TRPM3: variants seen among roughly 807,000 people sequenced by gnomAD.
The protein encoded by TRPM3 is long transient receptor potential channel 3.
In TRPM3, 77 loss-of-function variants were observed where a neutral mutation model predicts 181.2. The observed-to-expected ratio is 0.42, with a 90% CI of 0.35 to 0.51. TRPM3 has a LOEUF of 0.51. TRPM3 is among the 20% of genes least tolerant of loss of function. TRPM3 has a pLI of 0.01. For synonymous variants in TRPM3, 745 were observed against 796.4 expected (o/e 0.94, Z 1.09); for missense variants, 1,759 against 2,196.7 (o/e 0.80, Z 3.98).
chr9:71,205,175 G>A (rs1587945242), intron 1 of TRPM3, among the ~76,000 whole-genome samples: 1 of 151,868 alleles, frequency 6.6e-6, no homozygotes, highest in African/African-American at 2.4e-5. Context: ...TAACTAACCT[G>A]CATGTTGTGC....
chr9:71,102,193 T>C (rs1279757051), intron 1 of TRPM3, among the ~76,000 whole-genome samples: 1 of 152,172 alleles, frequency 6.6e-6, no homozygotes, highest in Non-Finnish European at 1.5e-5. Flanking sequence ...CTTTCCTCCA[T>C]GCTTCTTACT....
intron 1 of TRPM3, among the ~76,000 whole-genome samples, chr9:71,032,740 AT>A (rs1024409543): frequency 8.5e-5 from 13 of 152,190 alleles, no homozygotes; most frequent in South Asian, 2.1e-4. Flanking sequence ...TTGGTATGTT[AT>A]TTTGTGTAGT....
At chr9:71,091,810 G>A (rs570979660) in intron 1 of TRPM3, among the ~76,000 whole-genome samples, 3 of 151,914 alleles carry the variant, frequency 2.0e-5, no homozygotes, top group Non-Finnish European at 2.9e-5. Flanking sequence ...ATCGGTTTTC[G>A]AGCATCATCT....
chr9:70,980,996 C>A (rs1451070522), intron 1 of TRPM3, among the ~76,000 whole-genome samples: 1 of 152,194 alleles, frequency 6.6e-6, no homozygotes, highest in Non-Finnish European at 1.5e-5. Context: ...TATGCATACA[C>A]ACTCACACAA....
rs1012053895 is a variant in TRPM3, at chr9:70,534,019, C to T, written c.*1934G>A. The T allele has an allele frequency of 1.3e-5, 2 of 152,116 alleles. No homozygotes were observed. Among genetic ancestry groups the T allele is most frequent in the Non-Finnish European group, 2.9e-5 (2 of 68,026 alleles). The allele number at this position is 152,116 out of a possible 1,614,324, so 9.4% of individuals were successfully genotyped here. ...ACCAGGTAGTATCTCAGGCCAGGAA[C>T]AATAGATTGTTTTCCTTAAAGGCTT... On this transcript the variant is annotated 3_prime_UTR_variant, in exon 26 of 26. Transcript: ENST00000677713.
intron 9 of TRPM3, among the ~76,000 whole-genome samples, chr9:70,641,861 AG>A (rs1343105536): frequency 1.3e-5 from 2 of 152,224 alleles, no homozygotes. Context: ...GGCTCCAGGC[AG>A]GGGGCCCAAG....
At chr9:71,158,913 G>A (rs1472554129) in intron 1 of TRPM3, among the ~76,000 whole-genome samples, 1 of 152,004 alleles carries the variant, frequency 6.6e-6, no homozygotes, top group Non-Finnish European at 1.5e-5. Flanking sequence ...CTGAAACACT[G>A]ACCTTCTCCT....
At chr9:71,242,077 C>T (rs552827836) in intron 1 of TRPM3, among the ~76,000 whole-genome samples, 2 of 152,270 alleles carry the variant, frequency 1.3e-5, no homozygotes, top group Admixed American at 1.3e-4. Context: ...ATCACTGCCC[C>T]TCAATAGTTT....
chr9:71,228,448 C>T (rs1490934972), intron 1 of TRPM3, among the ~76,000 whole-genome samples: 3 of 152,046 alleles, frequency 2.0e-5, no homozygotes, highest in African/African-American at 4.8e-5. Context: ...CACTGTTATT[C>T]AACATAGTAC....
chr9:70,778,598 A>C (rs2081910929), intron 7 of TRPM3, among the ~76,000 whole-genome samples: 1 of 152,218 alleles, frequency 6.6e-6, no homozygotes, highest in Non-Finnish European at 1.5e-5. Context: ...TTCTCATAGA[A>C]AATTTTAGAA....
In TRPM3 at chr9:70,615,943, T is replaced by C; in HGVS notation, c.2491A>G (p.Thr831Ala). Residue 831 changes from threonine to alanine, a missense_variant, in exon 18 of 26, where the codon ACA becomes GCA. Physicochemically the swap from Thr to Ala is moderately conservative, Grantham distance 58 (BLOSUM62 0). Coordinates refer to ENST00000677713, the MANE Select transcript of TRPM3 (RefSeq NM_001366145.2). ...ATGTCCTCTTCCTCTTTTTCCTTTG[T>C]GGGCTTCTCTGGTTCTTCTGCCTCC... The part of the protein sequence containing the change: ...EKEAEEPEKP[T>A]KEKEEEDMEL... 1.2e-6 allele frequency: 2 copies of C among 1,612,434 alleles called. No homozygotes were observed. Among genetic ancestry groups the C allele is most frequent in the South Asian group, 2.2e-5 (2 of 90,710 alleles).
At chr9:71,126,957 T>A (rs2074070260) in intron 1 of TRPM3, among the ~76,000 whole-genome samples, 1 of 152,048 alleles carries the variant, frequency 6.6e-6, no homozygotes, top group Non-Finnish European at 1.5e-5. Context: ...AGCATAGTTT[T>A]CCAAATGTAT....
At chr9:70,573,261 T>C (rs568407998) in intron 22 of TRPM3, among the ~76,000 whole-genome samples, 257 of 152,276 alleles carry the variant, frequency 1.7e-3, no homozygotes, top group Middle Eastern at 3.4e-3. Context: ...GTGAGTTGAT[T>C]TTCCAAAATG....
intron 1 of TRPM3, among the ~76,000 whole-genome samples, chr9:71,268,680 G>A (rs1377114502): frequency 6.6e-6 from 1 of 151,962 alleles, no homozygotes; most frequent in Non-Finnish European, 1.5e-5. Context: ...AAATTAGCCA[G>A]GCATGATGGC....
chr9:71,059,011 ATTTTTTTTTTTTTTTT>A lies in TRPM3; in HGVS notation c.177+62151_177+62166del, dbSNP rs1162577364. 1.7e-4 allele frequency among the ~76,000 whole-genome samples: 9 copies of A among 52,642 alleles called. No individual in the cohort carries two copies. In the East Asian group the frequency reaches 4.2e-3, roughly 25 times the overall value. The allele number at this position is 52,642 out of a possible 152,430, so 34.5% of individuals were successfully genotyped here. A position where few individuals can be genotyped will look rare whatever the true frequency, so the allele number is the denominator to read the frequency against. Reference sequence around the variant, plus strand: ...ATTTCTCTGAAGTTTTTGTTTGTTCATTTTTTTTTTTTTTTTTTTTTTTTTTTTTTACCAGTCACTA... The same window carrying A: ...ATTTCTCTGAAGTTTTTGTTTGTTCATTTTTTTTTTTTTTACCAGTCACTA... On this transcript the variant is annotated intron_variant, in intron 1 of 25. Coordinates refer to ENST00000677713, the MANE Select transcript of TRPM3 (RefSeq NM_001366145.2).
intron 1 of TRPM3, among the ~76,000 whole-genome samples, chr9:71,007,347 T>G (rs1353112763): frequency 6.6e-6 from 1 of 152,092 alleles, no homozygotes; most frequent in Non-Finnish European, 1.5e-5. Context: ...AAACTACATT[T>G]TAGACCAAAT....
At chr9:71,210,284 G>T (rs2079409274) in intron 1 of TRPM3, among the ~76,000 whole-genome samples, 1 of 152,170 alleles carries the variant, frequency 6.6e-6, no homozygotes, top group South Asian at 2.1e-4. Flanking sequence ...GGATGGGGCT[G>T]CCTAGTTGCA....
chr9:70,939,028 A>G (rs902008670), intron 1 of TRPM3, among the ~76,000 whole-genome samples: 5 of 152,178 alleles, frequency 3.3e-5, no homozygotes, highest in East Asian at 3.8e-4. Context: ...TTCACTTTGC[A>G]TAATACAATA....
At chr9:70,922,602 T>A (rs951846793) in intron 1 of TRPM3, among the ~76,000 whole-genome samples, 1 of 152,210 alleles carries the variant, frequency 6.6e-6, no homozygotes, top group Non-Finnish European at 1.5e-5. Context: ...AGAATACTTT[T>A]CTTTGATTAC....
Sources: allele counts gnomAD v4.1 joint callset (sites outside exome capture counted in the v4.1 genomes callset), GRCh38; gene constraint gnomAD v4.1.1; transcripts MANE v1.5; gene names NCBI Gene and HGNC (gene_info 2026-07-23, HGNC 2026-07-21).